The following CLSTN2 variants were observed in gnomAD, a reference collection of about 807,000 sequenced individuals.
CLSTN2 encodes calsyntenin 2.
CLSTN2 carries 48 observed loss-of-function variants against 101.2 expected under a neutral mutation model. The ratio of observed to expected loss-of-function variants is 0.47; its 90% CI spans 0.38 to 0.60. The LOEUF (loss-of-function observed/expected upper bound fraction) is 0.60, where lower values mean the gene tolerates loss of function less well. CLSTN2 is among the 20% of genes least tolerant of loss of function. CLSTN2 has a pLI of 0.00. For missense variants in CLSTN2, 1,160 were observed against 1,238.2 expected (o/e 0.94, Z 0.95); for synonymous variants, 481 against 463.6 (o/e 1.04, Z -0.48).
chr3:140,078,534 T>G (rs942566805), intron 1 of CLSTN2, among the ~76,000 whole-genome samples: 2 of 152,194 alleles, frequency 1.3e-5, no homozygotes, highest in African/African-American at 4.8e-5. Flanking sequence ...TCTCCAACAG[T>G]CTTCAATGAC....
chr3:140,264,959 A>G (rs1393294537), intron 2 of CLSTN2, among the ~76,000 whole-genome samples: 1 of 152,160 alleles, frequency 6.6e-6, no homozygotes, highest in East Asian at 1.9e-4. Context: ...AGGAGCTCAT[A>G]GTTTTTCATC....
intron 1 of CLSTN2, among the ~76,000 whole-genome samples, chr3:139,948,408 T>A (rs1047103495): frequency 3.3e-5 from 5 of 151,414 alleles, no homozygotes; most frequent in South Asian, 2.1e-4. Flanking sequence ...GAGGTTGCAG[T>A]GAGCCAAGAT....
intron 2 of CLSTN2, among the ~76,000 whole-genome samples, chr3:140,284,436 A>G (rs555079865): frequency 6.6e-6 from 1 of 152,254 alleles, no homozygotes; most frequent in African/African-American, 2.4e-5. Context: ...ATGTTCATGG[A>G]GTCGCAAAGA....
chr3:140,454,091 G>A (rs2108012643), intron 6 of CLSTN2, among the ~76,000 whole-genome samples: 1 of 152,312 alleles, frequency 6.6e-6, no homozygotes, highest in South Asian at 2.1e-4. Context: ...AACACCTGTT[G>A]GAAGTCTGAT....
At chr3:140,365,854 C>T (rs2087782264) in intron 2 of CLSTN2, among the ~76,000 whole-genome samples, 1 of 152,182 alleles carries the variant, frequency 6.6e-6, no homozygotes, top group Admixed American at 6.5e-5. Flanking sequence ...TGCTGGGAAA[C>T]ATCTAGAGAG....
At chr3:140,531,818 C>T (rs1935261246) in intron 8 of CLSTN2, among the ~76,000 whole-genome samples, 1 of 152,156 alleles carries the variant, frequency 6.6e-6, no homozygotes, top group Non-Finnish European at 1.5e-5. Context: ...CTTCTGTAGC[C>T]CTGGGCACTT....
intron 2 of CLSTN2, among the ~76,000 whole-genome samples, chr3:140,360,123 G>A (rs974211166): frequency 6.6e-5 from 10 of 151,866 alleles, no homozygotes; most frequent in Non-Finnish European, 1.3e-4. Flanking sequence ...CTACTATCCT[G>A]GAAAGCAAGT....
chr3:140,073,465 G>C (rs1390925852), intron 1 of CLSTN2, among the ~76,000 whole-genome samples: 1 of 152,222 alleles, frequency 6.6e-6, no homozygotes, highest in Non-Finnish European at 1.5e-5. Flanking sequence ...AGAATGGTGA[G>C]AGCCAAGCTG....
At chr3:140,076,519 T>A (rs1341992823) in intron 1 of CLSTN2, among the ~76,000 whole-genome samples, 1 of 151,766 alleles carries the variant, frequency 6.6e-6, no homozygotes, top group East Asian at 1.9e-4. Flanking sequence ...GAATTTCATG[T>A]CACTTGAGTG....
At chr3:140,214,333 A>C (rs2010895414) in intron 2 of CLSTN2, among the ~76,000 whole-genome samples, 1 of 152,070 alleles carries the variant, frequency 6.6e-6, no homozygotes, top group South Asian at 2.1e-4. Context: ...GCGTGCCTGT[A>C]GTCCCAGCTA....
chr3:140,414,543 A>T (rs1422205911), intron 4 of CLSTN2, among the ~76,000 whole-genome samples: 1 of 152,060 alleles, frequency 6.6e-6, no homozygotes, highest in Non-Finnish European at 1.5e-5. Flanking sequence ...ACAGAGTGAT[A>T]TAATGCACAT....
chr3:140,459,448 T>G, intron 6 of CLSTN2, 73 bp from the exon 7 acceptor site: 4 of 1,564,890 alleles, frequency 2.6e-6, no homozygotes, highest in Non-Finnish European at 3.5e-6. Flanking sequence ...TAGTTCACCT[T>G]GACCCAGGAG....
intron 1 of CLSTN2, among the ~76,000 whole-genome samples, chr3:140,147,645 G>C (rs2009800103): frequency 6.6e-6 from 1 of 152,152 alleles, no homozygotes; most frequent in South Asian, 2.1e-4. Flanking sequence ...AGATCTAAGA[G>C]TATAGGCATG....
At chr3:140,081,277 A>G (rs1052913887) in intron 1 of CLSTN2, among the ~76,000 whole-genome samples, 2 of 152,226 alleles carry the variant, frequency 1.3e-5, no homozygotes, top group African/African-American at 4.8e-5. Context: ...AATGAAGAAA[A>G]GATAAAGAAT....
intron 1 of CLSTN2, among the ~76,000 whole-genome samples, chr3:140,061,846 T>C (rs1438112276): frequency 6.6e-6 from 1 of 152,198 alleles, no homozygotes; most frequent in Non-Finnish European, 1.5e-5. Flanking sequence ...TCCACACTTC[T>C]TCAAGAGTTA....
chr3:140,538,531 G>A (rs901699826), intron 9 of CLSTN2, among the ~76,000 whole-genome samples: 1 of 152,204 alleles, frequency 6.6e-6, no homozygotes, highest in Non-Finnish European at 1.5e-5. Flanking sequence ...CGATTTGTGG[G>A]TATAGGGAAA....
rs573826767 is a variant in CLSTN2 at position 140,042,201 on chromosome 3, A to G, written c.109+106718A>G. Among the ~76,000 whole-genome samples the G allele has an allele frequency of 5.9e-5, 9 of 152,328 alleles. No homozygotes were observed. The South Asian group carries it at 1.7e-3, about 28-fold the overall frequency. On this transcript the variant is annotated intron_variant, in intron 1 of 16. Transcript: ENST00000458420. ...GTTCAGTATTCAGTTTGAAACCAGT[A>G]AGAAATCCCTGTACCCATCAGCAAC...
intron 1 of CLSTN2, among the ~76,000 whole-genome samples, chr3:140,158,939 C>G (rs757674751): frequency 1.2e-4 from 18 of 152,124 alleles, no homozygotes; most frequent in Admixed American, 2.6e-4. Context: ...AAAGAACACC[C>G]TATTCAATAA....
intron 2 of CLSTN2, among the ~76,000 whole-genome samples, chr3:140,186,999 C>T (rs1187348171): frequency 1.3e-5 from 2 of 152,190 alleles, no homozygotes; most frequent in Admixed American, 6.5e-5. Flanking sequence ...CTCTACCAGG[C>T]TGTGGGTTGC....
Sources: gnomAD v4.1 joint callset for allele counts (sites outside exome capture counted in the v4.1 genomes callset) on GRCh38, gnomAD v4.1.1 for gene constraint, MANE v1.5 for transcripts, NCBI Gene and HGNC (gene_info 2026-07-23, HGNC 2026-07-21) for gene names.